The following MYLK variants were observed in gnomAD, a reference collection of about 807,000 sequenced individuals.
The protein encoded by MYLK is myosin light chain kinase.
A neutral mutation model predicts 203.4 loss-of-function variants in MYLK; 106 were observed. The observed-to-expected ratio is 0.52, with a 90% confidence interval of 0.45 to 0.61. The LOEUF (loss-of-function observed/expected upper bound fraction) is 0.61, where lower values mean the gene tolerates loss of function less well. Ranked by LOEUF, MYLK falls within the 20% of genes least tolerant of loss-of-function variation. MYLK has a pLI of 0.00. For synonymous variants in MYLK, 867 were observed against 959.5 expected, an observed-to-expected ratio of 0.90 and a Z score of 1.78; for missense variants, 2,072 against 2,442.3, an observed-to-expected ratio of 0.85 and a Z score of 3.20.
chr3:123,837,785 C>T (rs899669947), intron 2 of MYLK, among the ~76,000 whole-genome samples: 2 of 151,804 alleles, frequency 1.3e-5, no homozygotes, highest in African/African-American at 4.8e-5. Flanking sequence ...ATGGCTTCAA[C>T]AGGCTCACAA....
At chr3:123,764,704 G>A (rs565428621) in intron 4 of MYLK, among the ~76,000 whole-genome samples, 1 of 152,340 alleles carries the variant, frequency 6.6e-6, no homozygotes, top group Admixed American at 6.5e-5. Context: ...CTCCTTGGGT[G>A]TACAGGAGGA....
intron 4 of MYLK, among the ~76,000 whole-genome samples, chr3:123,758,027 C>T (rs188018632): frequency 1.3e-5 from 2 of 150,844 alleles, no homozygotes; most frequent in Non-Finnish European, 2.9e-5. Context: ...TAAGCTCACT[C>T]AGATAATAAA....
At chr3:123,636,302 C>T (rs1433582491) in intron 29 of MYLK, among the ~76,000 whole-genome samples, 1 of 152,240 alleles carries the variant, frequency 6.6e-6, no homozygotes, top group Non-Finnish European at 1.5e-5. Context: ...CTTCCTTGGC[C>T]CCTGTCACCT....
At chr3:123,734,476 T>C (rs1373940121) in intron 9 of MYLK, 2 of 415,094 alleles carry the variant, frequency 4.8e-6, no homozygotes. Flanking sequence ...AGTTCCCTTC[T>C]CTACTAGTGC....
At chr3:123,655,951 G>T (rs2059377591) in intron 24 of MYLK, among the ~76,000 whole-genome samples, 1 of 152,158 alleles carries the variant, frequency 6.6e-6, no homozygotes, top group Non-Finnish European at 1.5e-5. Context: ...AGTTACCCCA[G>T]CCAGGAACTG....
intron 13 of MYLK, among the ~76,000 whole-genome samples, chr3:123,719,420 C>A (rs1271548311): frequency 2.0e-5 from 3 of 152,228 alleles, no homozygotes; most frequent in African/African-American, 7.2e-5. Flanking sequence ...AAAGTGGATC[C>A]TTTGGGAAAA....
intron 19 of MYLK, among the ~76,000 whole-genome samples, chr3:123,688,261 T>C (rs901051355): frequency 6.6e-6 from 1 of 152,126 alleles, no homozygotes; most frequent in African/African-American, 2.4e-5. Flanking sequence ...CCTAAACACC[T>C]GCCTATGTGA....
At chr3:123,669,250 TCATTGATCCATCCGTCC>T (rs2059833452) in intron 20 of MYLK, among the ~76,000 whole-genome samples, 1 of 152,312 alleles carries the variant, frequency 6.6e-6, no homozygotes, top group Admixed American at 6.5e-5. Flanking sequence ...CTCATTGTCA[TCATTGATCCATCCGTCC>T]ATCTCCAAAA....
At chr3:123,706,530 T>C (rs543895777) in intron 16 of MYLK, among the ~76,000 whole-genome samples, 73 of 152,096 alleles carry the variant, frequency 4.8e-4, no homozygotes, top group Non-Finnish European at 8.8e-4. Flanking sequence ...GTAGGTTAGG[T>C]GCAAACAAAT....
In MYLK at chr3:123,629,783, G is replaced by GA; in HGVS notation, c.4962-158dup. The GA allele has an allele frequency of 1.4e-6, 1 of 727,040 alleles. No homozygotes were observed. The highest frequency in any genetic ancestry group is 1.8e-5 in the South Asian group (1 of 56,638). The allele number at this position is 727,040 out of a possible 1,614,324, so 45.0% of individuals were successfully genotyped here. On this transcript the variant is annotated intron_variant, in intron 29 of 33. Transcript: ENST00000360304. The surrounding 1 kb of genome is among the most constrained non-coding windows in gnomAD (Gnocchi z 4.4). ...CCTGCCTTTCTTCCACTTGTGGAAA[G>GA]AAAAGAGGGTGTGGTTCACAGCCCT...
chr3:123,672,442 G>A lies in MYLK; in HGVS notation c.3653-5255C>T, dbSNP rs564501976. 3.3e-5 allele frequency among the ~76,000 whole-genome samples: 5 copies of A among 152,270 alleles called. No individual in the cohort carries two copies. The South Asian group carries it at 1.0e-3, about 32-fold the overall frequency. ...TACCCAGTCTGCCGTACTTTGTTAA[G>A]TCAGCCCTAGAAGACTAATATAGCT... On this transcript the variant is annotated intron_variant, in intron 20 of 33. Coordinates refer to ENST00000360304, the MANE Select transcript of MYLK (RefSeq NM_053025.4).
intron 19 of MYLK, among the ~76,000 whole-genome samples, chr3:123,688,579 G>C (rs2108498307): frequency 6.6e-6 from 1 of 152,168 alleles, no homozygotes; most frequent in East Asian, 1.9e-4. Flanking sequence ...TCCAGTGTTG[G>C]CCCATAACAC....
In MYLK at chr3:123,752,359, G is replaced by A. The variant is rs1213297212; in HGVS notation, c.345C>T (p.Arg115=). The A allele has an allele frequency of 6.2e-7, 1 of 1,614,120 alleles. No individual in the cohort carries two copies. The highest frequency in any genetic ancestry group is 1.7e-5 in the Admixed American group (1 of 60,018). ...CTACTGTCAACTCCACTGTCACCTG[G>A]CGAGCACCACTGCCATTGGTGGCTT... is the stretch of plus-strand genomic sequence containing the variant. ...TCEATNGSGA[R]QVTVELTVEG... is the part of the protein sequence containing the mutation. The change falls in exon 5 of 34, where the codon CGC becomes CGT. Residue 115 remains arginine (R), a synonymous_variant. Coordinates refer to ENST00000360304, the MANE Select transcript of MYLK (RefSeq NM_053025.4).
chr3:123,873,838 A>T (rs2032983345), intron 2 of MYLK, among the ~76,000 whole-genome samples: 1 of 152,156 alleles, frequency 6.6e-6, no homozygotes, highest in African/African-American at 2.4e-5. Context: ...ATACTAAATC[A>T]ATTGTAGTTA....
intron 25 of MYLK, 37 bp downstream of exon 25, chr3:123,649,125 C>T: frequency 6.2e-7 from 1 of 1,614,076 alleles, no homozygotes. Context: ...CCCCCTCCAC[C>T]CCAAGAGCCT....
intron 11 of MYLK, among the ~76,000 whole-genome samples, chr3:123,729,750 A>G (rs768882265): frequency 2.0e-5 from 3 of 151,796 alleles, no homozygotes; most frequent in Non-Finnish European, 4.4e-5. Flanking sequence ...GTATAGTGGC[A>G]TATGCCTGTG....
At chr3:123,857,699 A>T (rs992181976) in intron 2 of MYLK, among the ~76,000 whole-genome samples, 14 of 151,584 alleles carry the variant, frequency 9.2e-5, no homozygotes, top group Non-Finnish European at 1.8e-4. Context: ...CTAATGCTAG[A>T]TGACGAGTTA....
chr3:123,787,711 A>G (rs560467670), intron 4 of MYLK, among the ~76,000 whole-genome samples: 2 of 152,170 alleles, frequency 1.3e-5, no homozygotes, highest in Non-Finnish European at 2.9e-5. Flanking sequence ...ACCCTACAAA[A>G]AATCAGGATA....
chr3:123,854,472 AATAAAT>A (rs1196614573), intron 2 of MYLK, among the ~76,000 whole-genome samples: 4 of 152,136 alleles, frequency 2.6e-5, no homozygotes. Context: ...ATAGCTAACA[AATAAAT>A]ATAAATATAT....
Sources: gnomAD v4.1 joint callset for allele counts (sites outside exome capture counted in the v4.1 genomes callset) on GRCh38, gnomAD v4.1.1 for gene constraint, Gnocchi (gnomAD v3.1) non-coding constraint, MANE v1.5 for transcripts, NCBI Gene and HGNC (gene_info 2026-07-23, HGNC 2026-07-21) for gene names.